DNAI2: variants seen among roughly 807,000 people sequenced by gnomAD.
DNAI2 encodes the protein dynein, axonemal, intermediate polypeptide 2.
DNAI2 carries 63 observed loss-of-function variants against 74.7 expected under a neutral mutation model. The observed-to-expected ratio is 0.84, with a 90% CI of 0.69 to 1.04. The LOEUF is 1.04. Among genes scored for constraint, DNAI2 ranks in the 50% least tolerant of loss-of-function variants. The pLI is 0.00. For missense variants in DNAI2, 688 were observed against 803.2 expected, an observed-to-expected ratio of 0.86 and a Z score of 1.73; for synonymous variants, 289 against 314.9, an observed-to-expected ratio of 0.92 and a Z score of 0.87.
chr17:74,309,435 G>A, intron 10 of DNAI2, 47 bp downstream of exon 10: 1 of 1,613,504 alleles, frequency 6.2e-7, no homozygotes. Context: ...CAGGGAGCCA[G>A]GTCCCGGCGT....
At position 74,285,175 on chromosome 17, in the gene DNAI2, G is replaced by A. The variant is rs200358267; in HGVS notation, c.319G>A (p.Val107Ile). Reference sequence around the variant, plus strand: ...GAAAGTGGAGAAAGATGAGAACTACGTTAACGCCATCATGCAGCTCGGCTC... The same window carrying A: ...GAAAGTGGAGAAAGATGAGAACTACATTAACGCCATCATGCAGCTCGGCTC... The part of the protein sequence containing the change: ...RKKVEKDENY[V>I]NAIMQLGSIM... The change falls in exon 3 of 14, where the codon GTT (valine) becomes ATT (isoleucine). Residue 107 changes from valine to isoleucine, a missense_variant. Coordinates refer to ENST00000311014, the MANE Select transcript of DNAI2 (RefSeq NM_023036.6). The A allele has an allele frequency of 1.3e-4, 215 of 1,614,076 alleles. No homozygotes were observed. The highest frequency in any genetic ancestry group is 3.8e-4 in the Admixed American group (23 of 59,996).
intron 8 of DNAI2, 80 bp downstream of exon 8, chr17:74,301,248 C>T: frequency 6.3e-7 from 1 of 1,597,206 alleles, no homozygotes; most frequent in Non-Finnish European, 8.5e-7. Flanking sequence ...GCTAGGATAT[C>T]AGGTGCTCGT....
At chr17:74,301,615 G>A (rs563582592) in intron 8 of DNAI2, among the ~76,000 whole-genome samples, 1 of 151,656 alleles carries the variant, frequency 6.6e-6, no homozygotes, top group South Asian at 2.1e-4. Context: ...GGTCAAAGCA[G>A]GCTCCTTGGA....
At chr17:74,314,345 C>T (rs1567883542) in intron 13 of DNAI2, 74 bp downstream of exon 13, 6 of 1,557,546 alleles carry the variant, frequency 3.9e-6, no homozygotes, top group Admixed American at 1.7e-5. Flanking sequence ...CTGGGAGCAT[C>T]GGGCCCTGAC....
At chr17:74,313,737 G>A (rs936401550) in intron 12 of DNAI2, 17 of 275,558 alleles carry the variant, frequency 6.2e-5, no homozygotes, top group Non-Finnish European at 8.7e-5. Flanking sequence ...ACAAAGTACC[G>A]CGTGGTACTG....
intron 6 of DNAI2, 130 bp from the exon 7 acceptor site, chr17:74,299,588 C>G (rs1249475200): frequency 2.7e-5 from 33 of 1,231,302 alleles, no homozygotes; most frequent in Non-Finnish European, 3.3e-5. Context: ...TGATTTGAAC[C>G]AAGCCCTGAT....
intron 4 of DNAI2, among the ~76,000 whole-genome samples, chr17:74,288,334 T>G (rs2051874175): frequency 6.6e-6 from 1 of 152,224 alleles, no homozygotes; most frequent in African/African-American, 2.4e-5. Flanking sequence ...CTGGGTAGGT[T>G]AGGTGTATTC....
intron 1 of DNAI2, chr17:74,281,406 G>A: frequency 2.6e-6 from 1 of 384,842 alleles, no homozygotes; most frequent in Non-Finnish European, 4.7e-6. Context: ...TTACAGGTGT[G>A]CACCACCATG....
chr17:74,291,813 A>T (rs1032639434), intron 6 of DNAI2, among the ~76,000 whole-genome samples: 1 of 152,116 alleles, frequency 6.6e-6, no homozygotes. Flanking sequence ...TACTGGCCTT[A>T]TAGAATGAGT....
intron 6 of DNAI2, among the ~76,000 whole-genome samples, chr17:74,299,070 G>A (rs959540239): frequency 2.0e-5 from 3 of 152,206 alleles, no homozygotes; most frequent in African/African-American, 7.2e-5. Context: ...AGCTCTGAGT[G>A]ACAGGGTGAG....
intron 1 of DNAI2, among the ~76,000 whole-genome samples, chr17:74,276,103 C>G (rs567271550): frequency 6.6e-6 from 1 of 152,210 alleles, no homozygotes; most frequent in South Asian, 2.1e-4. Context: ...CTCCTCCTCC[C>G]CATCACTCCC....
intron 2 of DNAI2, 110 bp from the exon 3 acceptor site, chr17:74,284,930 C>A (rs557343311): frequency 5.0e-6 from 7 of 1,393,584 alleles, no homozygotes; most frequent in African/African-American, 2.8e-5. Context: ...CCGGCCAGGG[C>A]GCCTCAGCAT....
At chr17:74,310,208 C>A in intron 11 of DNAI2, 45 bp downstream of exon 11, 1 of 1,603,042 alleles carries the variant, frequency 6.2e-7, no homozygotes. Flanking sequence ...CACGTCCCGA[C>A]CTGGCCCCAC....
At chr17:74,294,768 A>G (rs980532213) in intron 6 of DNAI2, among the ~76,000 whole-genome samples, 11 of 152,122 alleles carry the variant, frequency 7.2e-5, no homozygotes, top group African/African-American at 2.7e-4. Flanking sequence ...AGTTTCTTGG[A>G]TGTGTAGATT....
chr17:74,305,642 A>G (rs2053146589), intron 9 of DNAI2, among the ~76,000 whole-genome samples, 200 bp downstream of exon 9: 1 of 151,864 alleles, frequency 6.6e-6, no homozygotes, highest in Non-Finnish European at 1.5e-5. Flanking sequence ...AGTTACTAAA[A>G]ATAATGGCCA....
At chr17:74,310,264 C>A in intron 11 of DNAI2, 101 bp downstream of exon 11, 1 of 1,482,612 alleles carries the variant, frequency 6.7e-7, no homozygotes, top group Non-Finnish European at 9.1e-7. Flanking sequence ...GCCCTCCCAC[C>A]CCCAGAACAT....
At position 74,299,875 on chromosome 17, in the gene DNAI2, A is replaced by C. The variant is rs766478158; in HGVS notation, c.864+18A>C. ...ATGGGCAGGTACCCACCAGCCAGAC[A>C]CTGGAGAGAGGAGGGAAGGGAGGGG... On this transcript the variant is annotated intron_variant, in intron 7 of 13. Transcript: ENST00000311014. 2 of 1,613,126 alleles carry C rather than the reference A, an allele frequency of 1.2e-6. No homozygotes were observed. Among genetic ancestry groups the C allele is most frequent in the African/African-American group, 2.7e-5 (2 of 75,012 alleles).
intron 6 of DNAI2, among the ~76,000 whole-genome samples, chr17:74,297,399 T>TC (rs1268706506): frequency 6.7e-6 from 1 of 148,420 alleles, no homozygotes; most frequent in East Asian, 2.0e-4. Context: ...GACTTTTTTT[T>TC]TTTTTTTTTG....
intron 9 of DNAI2, among the ~76,000 whole-genome samples, chr17:74,307,735 G>C (rs905142510): frequency 3.3e-5 from 5 of 150,854 alleles, no homozygotes; most frequent in Admixed American, 1.3e-4. Flanking sequence ...TTTAGTATAA[G>C]TATGTCCCAT....
Sources: allele counts gnomAD v4.1 joint callset (sites outside exome capture counted in the v4.1 genomes callset), GRCh38; gene constraint gnomAD v4.1.1; transcripts MANE v1.5; gene names NCBI Gene and HGNC (gene_info 2026-07-23, HGNC 2026-07-21).